Variants in LRMDA observed in about 807,000 individuals in gnomAD.
LRMDA encodes leucine rich melanocyte differentiation associated.
LRMDA carries 18 observed loss-of-function variants against 29.8 expected under a neutral mutation model. The ratio of observed to expected loss-of-function variants is 0.60; its 90% CI spans 0.42 to 0.90. The LOEUF (loss-of-function observed/expected upper bound fraction) is 0.90, where lower values mean the gene tolerates loss of function less well. Among genes scored for constraint, LRMDA ranks in the 40% least tolerant of loss-of-function variants. LRMDA has a pLI of 0.00. For synonymous variants in LRMDA, 125 were observed against 109.4 expected (o/e 1.14, Z -0.89); for missense variants, 273 against 273.9 (o/e 1.00, Z 0.02).
intron 2 of LRMDA, among the ~76,000 whole-genome samples, chr10:75,484,631 A>G (rs2132055843): frequency 6.6e-6 from 1 of 152,324 alleles, no homozygotes; most frequent in East Asian, 1.9e-4. Flanking sequence ...GGCCTTTAGG[A>G]AGGTAATTAA....
chr10:75,871,003 A>C (rs185656217), intron 2 of LRMDA, among the ~76,000 whole-genome samples: 1 of 152,172 alleles, frequency 6.6e-6, no homozygotes, highest in African/African-American at 2.4e-5. Context: ...ATAGTTTATC[A>C]GTTGCTTAAT....
chr10:76,459,517 T>C (rs923269374), intron 6 of LRMDA, among the ~76,000 whole-genome samples: 1 of 152,172 alleles, frequency 6.6e-6, no homozygotes, highest in African/African-American at 2.4e-5. Context: ...ACCTAATTAG[T>C]GCATCCAGAG....
intron 2 of LRMDA, among the ~76,000 whole-genome samples, chr10:75,688,471 A>C (rs1012541773): frequency 1.3e-5 from 2 of 152,252 alleles, no homozygotes; most frequent in Non-Finnish European, 2.9e-5. Context: ...GAATTGCTGC[A>C]ATCTTGTGAT....
intron 2 of LRMDA, among the ~76,000 whole-genome samples, chr10:75,658,596 T>C (rs1841709351): frequency 6.6e-6 from 1 of 152,170 alleles, no homozygotes; most frequent in African/African-American, 2.4e-5. Context: ...GACTGAGGAT[T>C]TCTGCAGAAA....
intron 2 of LRMDA, among the ~76,000 whole-genome samples, chr10:75,750,609 C>A (rs1244790202): frequency 2.6e-4 from 37 of 139,966 alleles, no homozygotes; most frequent in African/African-American, 8.7e-4. Flanking sequence ...GGATGGCGGC[C>A]GGGCAGAGGC....
intron 6 of LRMDA, among the ~76,000 whole-genome samples, chr10:76,428,335 A>G (rs992367106): frequency 2.0e-5 from 3 of 152,164 alleles, no homozygotes; most frequent in African/African-American, 7.2e-5. Context: ...ACCCCTGTTA[A>G]GTAGACTAGG....
intron 2 of LRMDA, among the ~76,000 whole-genome samples, chr10:75,554,310 C>A (rs1414925672): frequency 6.6e-6 from 1 of 152,094 alleles, no homozygotes; most frequent in Non-Finnish European, 1.5e-5. Flanking sequence ...TTCTAGAAAT[C>A]CTTCCAAATG....
intron 2 of LRMDA, among the ~76,000 whole-genome samples, chr10:75,593,852 T>C (rs1297131593): frequency 6.9e-6 from 1 of 145,734 alleles, no homozygotes; most frequent in Non-Finnish European, 1.5e-5. Context: ...GCCGTCAGCC[T>C]GAGAGAGGGG....
chr10:75,543,233 C>T (rs1486952191), intron 2 of LRMDA, among the ~76,000 whole-genome samples: 2 of 152,176 alleles, frequency 1.3e-5, no homozygotes, highest in Admixed American at 6.5e-5. Context: ...TCGCATGAGG[C>T]CATGGGTCCC....
chr10:75,752,836 T>C (rs1842984418), intron 2 of LRMDA, among the ~76,000 whole-genome samples: 1 of 152,190 alleles, frequency 6.6e-6, no homozygotes, highest in African/African-American at 2.4e-5. Context: ...TGCTACTGGG[T>C]TTGTCTTGGT....
At chr10:76,457,108 C>A (rs536456877) in intron 6 of LRMDA, among the ~76,000 whole-genome samples, 2 of 152,314 alleles carry the variant, frequency 1.3e-5, no homozygotes, top group South Asian at 2.1e-4. Flanking sequence ...TTCCTTCAGG[C>A]TTCTCTTTAC....
In LRMDA at chr10:75,947,669, T is replaced by G. The variant is rs558560877; in HGVS notation, c.132-88339T>G. Among the ~76,000 whole-genome samples the G allele has an allele frequency of 3.0e-4, 46 of 152,350 alleles. 1 individual carries two copies. The highest frequency in any genetic ancestry group is 1.1e-3 in the African/African-American group (46 of 41,592). ...TAAAATGAGAATAAAAAGATTTTCT[T>G]CATGATTTGTGAAAGTTAAGTGGCA... is the stretch of plus-strand genomic sequence containing the variant. On this transcript the variant is annotated intron_variant, in intron 2 of 6. Transcript: ENST00000611255.
chr10:76,304,545 G>C (rs1840526260), intron 5 of LRMDA, among the ~76,000 whole-genome samples: 1 of 152,146 alleles, frequency 6.6e-6, no homozygotes, highest in Non-Finnish European at 1.5e-5. Flanking sequence ...TGCAGGGGTT[G>C]GGGTATGGGG....
At chr10:75,760,802 T>G (rs1249462108) in intron 2 of LRMDA, among the ~76,000 whole-genome samples, 1 of 152,204 alleles carries the variant, frequency 6.6e-6, no homozygotes, top group Non-Finnish European at 1.5e-5. Flanking sequence ...TTTGACATTC[T>G]TTGGCATCAG....
chr10:76,277,107 C>A (rs1221936436), intron 5 of LRMDA, among the ~76,000 whole-genome samples: 1 of 152,192 alleles, frequency 6.6e-6, no homozygotes, highest in Non-Finnish European at 1.5e-5. Flanking sequence ...ATTCCCTCCA[C>A]ACCTTCCAGT....
chr10:75,966,895 C>T (rs987618471), intron 2 of LRMDA, among the ~76,000 whole-genome samples: 5 of 152,206 alleles, frequency 3.3e-5, no homozygotes, highest in African/African-American at 7.2e-5. Flanking sequence ...ACCTCCTTAG[C>T]ACCTGGCACC....
At chr10:75,661,710 A>G (rs1173381718) in intron 2 of LRMDA, among the ~76,000 whole-genome samples, 9 of 152,352 alleles carry the variant, frequency 5.9e-5, no homozygotes, top group African/African-American at 2.2e-4. Flanking sequence ...ACCCTTATCC[A>G]GGCAAAAGAA....
At chr10:75,653,354 G>A (rs570482893) in intron 2 of LRMDA, among the ~76,000 whole-genome samples, 1 of 152,270 alleles carries the variant, frequency 6.6e-6, no homozygotes, top group African/African-American at 2.4e-5. Context: ...ACTTCGAGGT[G>A]ATGGGTGAGG....
chr10:76,344,176 A>C (rs190864252), intron 6 of LRMDA, among the ~76,000 whole-genome samples: 10 of 152,286 alleles, frequency 6.6e-5, no homozygotes, highest in African/African-American at 2.4e-4. Context: ...TAAAAAAATA[A>C]TTCAGTGAGA....
Sources: allele counts gnomAD v4.1 joint callset (sites outside exome capture counted in the v4.1 genomes callset), GRCh38; gene constraint gnomAD v4.1.1; transcripts MANE v1.5; gene names NCBI Gene and HGNC (gene_info 2026-07-23, HGNC 2026-07-21).